UMODL1: variants seen among roughly 807,000 people sequenced by gnomAD.
The protein encoded by UMODL1 is uromodulin-like 1.
In UMODL1, 128 loss-of-function variants were observed where a neutral mutation model predicts 136.3. That is an observed-to-expected ratio of 0.94 (90% CI 0.81 to 1.09). The LOEUF (loss-of-function observed/expected upper bound fraction) is 1.09, where lower values mean the gene tolerates loss of function less well. Ranked by LOEUF, UMODL1 falls within the 50% of genes least tolerant of loss-of-function variation. The pLI, the probability that UMODL1 is intolerant of heterozygous loss-of-function variation, is 0.00. For synonymous variants in UMODL1, 721 were observed against 720.0 expected (o/e 1.00, Z -0.02); for missense variants, 1,766 against 1,725.6 (o/e 1.02, Z -0.41).
In UMODL1 at chr21:42,122,576, CGTGTGTGCATGTGTGTGCAT is replaced by C. The variant is rs56945749; in HGVS notation, c.2828-244_2828-225del. The stretch of plus-strand genomic sequence containing the variant: ...GTGTGTGTCTGCACGTGTGTGCGTG[CGTGTGTGCATGTGTGTGCAT>C]GTGTGTGCATCTCTGCGTGCATGTG... On this transcript the variant is annotated intron_variant, in intron 16 of 22. Coordinates refer to ENST00000408910, the MANE Select transcript of UMODL1 (RefSeq NM_001004416.3). The surrounding 1 kb of genome is among the most constrained non-coding windows in gnomAD (Gnocchi z 4.3). Among the ~76,000 whole-genome samples the C allele has an allele frequency of 5.3e-5, 8 of 150,514 alleles. No homozygotes were observed. Among genetic ancestry groups the C allele is most frequent in the Non-Finnish European group, 8.9e-5 (6 of 67,588 alleles).
chr21:42,075,865 G>A, intron 1 of UMODL1, 140 bp from the exon 2 acceptor site: 4 of 1,245,662 alleles, frequency 3.2e-6, no homozygotes, highest in East Asian at 4.7e-5. Context: ...GGAGAGGGCT[G>A]GTGGGCAGCT....
At chr21:42,092,038 A>T (rs1479466528) in intron 6 of UMODL1, among the ~76,000 whole-genome samples, 3 of 152,242 alleles carry the variant, frequency 2.0e-5, no homozygotes, top group African/African-American at 7.2e-5. Flanking sequence ...GCCCCAAGCG[A>T]GCAAGCGGTA....
At chr21:42,106,834 A>G (rs1601228573) in intron 9 of UMODL1, among the ~76,000 whole-genome samples, 1 of 152,334 alleles carries the variant, frequency 6.6e-6, no homozygotes, top group Admixed American at 6.5e-5. Context: ...CCTGGGCCTC[A>G]GTATACTCAT....
At chr21:42,080,919 T>G (rs568894067) in intron 2 of UMODL1, among the ~76,000 whole-genome samples, 1 of 152,230 alleles carries the variant, frequency 6.6e-6, no homozygotes, top group Non-Finnish European at 1.5e-5. Flanking sequence ...TTGAGCAAGC[T>G]CTTGCCACTT....
chr21:42,080,034 A>G (rs2066343316), intron 2 of UMODL1, among the ~76,000 whole-genome samples: 1 of 152,066 alleles, frequency 6.6e-6, no homozygotes. Flanking sequence ...CCTGTATCCC[A>G]TTTCTTCCCA....
chr21:42,104,497 T>C (rs754120498), intron 9 of UMODL1, among the ~76,000 whole-genome samples: 4 of 152,044 alleles, frequency 2.6e-5, no homozygotes, highest in Admixed American at 6.5e-5. Context: ...TTGCCCAGGC[T>C]GGAGTGCAAT....
At chr21:42,071,254 G>A (rs749466443), upstream of UMODL1, 137 of 1,429,352 alleles carry the variant, frequency 9.6e-5, no homozygotes, top group Middle Eastern at 5.6e-4. Context: ...GAGCCCTGGC[G>A]TAGCAGAGAC....
intron 21 of UMODL1, among the ~76,000 whole-genome samples, chr21:42,136,898 C>T (rs2067211815): frequency 6.6e-6 from 1 of 152,082 alleles, no homozygotes; most frequent in African/African-American, 2.4e-5. Flanking sequence ...GCTGGGACTA[C>T]AGACATGCGC....
At chr21:42,107,904 C>A (rs2066744909) in intron 9 of UMODL1, among the ~76,000 whole-genome samples, 1 of 152,224 alleles carries the variant, frequency 6.6e-6, no homozygotes, top group South Asian at 2.1e-4. Flanking sequence ...CTTGTCCCAG[C>A]TGCGGGGCCA....
intron 21 of UMODL1, among the ~76,000 whole-genome samples, chr21:42,137,048 G>A (rs1053735227): frequency 2.6e-5 from 4 of 152,158 alleles, no homozygotes; most frequent in South Asian, 2.1e-4. Context: ...CAGCCACTGC[G>A]CCCAGCCTGC....
chr21:42,116,172 C>CAAAAAAAAAAAAAAAAAAAAAAAA, intron 14 of UMODL1, among the ~76,000 whole-genome samples, 187 bp downstream of exon 14: 1 of 75,082 alleles, frequency 1.3e-5, no homozygotes, highest in Non-Finnish European at 2.3e-5. Context: ...CCATCTCCAC[C>CAAAAAAAAAAAAAAAAAAAAAAAA]AAAAAAAAAA....
intron 22 of UMODL1, among the ~76,000 whole-genome samples, chr21:42,137,958 A>G (rs1188084671): frequency 6.6e-6 from 1 of 152,048 alleles, no homozygotes; most frequent in Non-Finnish European, 1.5e-5. Flanking sequence ...TGAAAAAGCA[A>G]CCAGGAGCAG....
intron 2 of UMODL1, among the ~76,000 whole-genome samples, chr21:42,077,157 G>GT (rs2066304400): frequency 6.6e-6 from 1 of 151,780 alleles, no homozygotes; most frequent in Non-Finnish European, 1.5e-5. Context: ...GTGGAGGGAT[G>GT]TGGGGGTGTG....
intron 20 of UMODL1, among the ~76,000 whole-genome samples, chr21:42,129,099 ATGTT>A: frequency 6.6e-6 from 1 of 151,818 alleles, no homozygotes; most frequent in Admixed American, 6.6e-5. Flanking sequence ...GTACACATCT[ATGTT>A]TGTGTCCAAA....
At position 42,122,507 on chromosome 21, in the gene UMODL1, TC is replaced by T. The variant is rs2066985488; in HGVS notation, c.2828-321del. 6.6e-6 allele frequency among the ~76,000 whole-genome samples: 1 copy of T among 152,144 alleles called. No homozygotes were observed. The highest frequency in any genetic ancestry group is 2.1e-4 in the South Asian group (1 of 4,834). ...CTCGGGGGCCCATGGTGAGCCTGGA[TC>T]CCTGAGCTGGTGGAAATGTGCAACA... On this transcript the variant is annotated intron_variant, in intron 16 of 22. Coordinates refer to ENST00000408910, the MANE Select transcript of UMODL1 (RefSeq NM_001004416.3). The surrounding 1 kb of genome is among the most constrained non-coding windows in gnomAD (Gnocchi z 4.3).
At position 42,104,049 on chromosome 21, in the gene UMODL1, C is replaced by A. The variant is rs962988695; in HGVS notation, c.1481C>A (p.Thr494Lys). ...APILQPLLASTVFQIDRQGTR... is the reference protein window; with the variant it reads ...APILQPLLASKVFQIDRQGTR... ...ATACTCCAGCCCCTGTTGGCAAGCACAGTGTTCCAGATTGACCGGCAGGGG... is the reference window on the plus strand; with the variant it reads ...ATACTCCAGCCCCTGTTGGCAAGCAAAGTGTTCCAGATTGACCGGCAGGGG... The change falls in exon 9 of 23, where the codon ACA (threonine) becomes AAA (lysine). Residue 494 changes from threonine to lysine, a missense_variant. Thr to Lys is a moderately conservative substitution (Grantham distance 78). Coordinates refer to ENST00000408910, the MANE Select transcript of UMODL1 (RefSeq NM_001004416.3). The A allele has an allele frequency of 5.0e-6, 8 of 1,613,786 alleles. No homozygotes were observed. Among genetic ancestry groups the A allele is most frequent in the Non-Finnish European group, 6.8e-6 (8 of 1,180,018 alleles).
Position 42,085,252 on chromosome 21 carries a change from G to C in UMODL1, c.482-39G>C. The C allele has an allele frequency of 6.2e-7, 1 of 1,607,192 alleles. No homozygotes were observed. Among genetic ancestry groups the C allele is most frequent in the African/African-American group, 1.3e-5 (1 of 74,868 alleles). ...CCAGCAGCTTTTGTGACTTCAACCTGTCCTGGGTCCATAATCATCAGTGTT... is the reference window on the plus strand; with the variant it reads ...CCAGCAGCTTTTGTGACTTCAACCTCTCCTGGGTCCATAATCATCAGTGTT... On this transcript the variant is annotated intron_variant, in intron 3 of 22. Coordinates refer to ENST00000408910, the MANE Select transcript of UMODL1 (RefSeq NM_001004416.3). This position sits in a 1 kb window ranked among gnomAD's most constrained non-coding sequence, Gnocchi z 4.5.
chr21:42,065,111 C>G (rs1284159901), intron 1 of UMODL1, among the ~76,000 whole-genome samples: 1 of 152,188 alleles, frequency 6.6e-6, no homozygotes, highest in Non-Finnish European at 1.5e-5. Context: ...CCAACCTCAG[C>G]CCCGGCAGAA....
chr21:42,088,311 A>G lies in UMODL1; in HGVS notation c.621A>G (p.Gln207=). The G allele has an allele frequency of 6.2e-7, 1 of 1,613,006 alleles. No individual in the cohort carries two copies. The highest frequency in any genetic ancestry group is 1.7e-4 in the Middle Eastern group (1 of 6,048). Residue 207 remains glutamine, a synonymous_variant, in exon 5 of 23, where the codon CAA becomes CAG. Transcript: ENST00000408910. The part of the protein sequence containing the change: ...LLHSLVTSAL[Q]PMASTVHHLH... ...CTTCACAGGTCACCAGCGCCCTGCAACCAATGGCCTCCACCGTCCACCACC... is the reference window on the plus strand; with the variant it reads ...CTTCACAGGTCACCAGCGCCCTGCAGCCAATGGCCTCCACCGTCCACCACC...
Sources: gnomAD v4.1 joint callset for allele counts (sites outside exome capture counted in the v4.1 genomes callset) on GRCh38, gnomAD v4.1.1 for gene constraint, Gnocchi (gnomAD v3.1) non-coding constraint, MANE v1.5 for transcripts, NCBI Gene and HGNC (gene_info 2026-07-23, HGNC 2026-07-21) for gene names.